The following SLC16A10 variants were observed in gnomAD, a reference collection of about 807,000 sequenced individuals.
The protein encoded by SLC16A10 is solute carrier family 16 member 10.
Under a neutral mutation model 40.0 loss-of-function variants are expected in SLC16A10, and 27 were observed. The ratio of observed to expected loss-of-function variants is 0.67; its 90% CI spans 0.50 to 0.93. The LOEUF (loss-of-function observed/expected upper bound fraction) is 0.93. Ranked by LOEUF, SLC16A10 falls within the 40% of genes least tolerant of loss-of-function variation. SLC16A10 has a pLI of 0.00. For synonymous variants in SLC16A10, 213 were observed against 249.8 expected (o/e 0.85, Z 1.39); for missense variants, 529 against 658.2 (o/e 0.80, Z 2.15).
chr6:111,106,189 T>C (rs1771281731), intron 1 of SLC16A10, among the ~76,000 whole-genome samples: 1 of 152,166 alleles, frequency 6.6e-6, no homozygotes, highest in Non-Finnish European at 1.5e-5. Context: ...AAAAATAGAA[T>C]TCATGCAATC....
chr6:111,140,664 A>C (rs1771966743), intron 1 of SLC16A10, among the ~76,000 whole-genome samples: 2 of 152,238 alleles, frequency 1.3e-5, no homozygotes, highest in Non-Finnish European at 2.9e-5. Flanking sequence ...ATTAAATTAA[A>C]AAACCATTAA....
Position 111,147,101 on chromosome 6 carries a change from GAA to G in SLC16A10, c.344-25591_344-25590del, listed in dbSNP as rs1342211507. On this transcript the variant is annotated intron_variant, in intron 1 of 5. Transcript: ENST00000368851. ...GGTACAGGGTTTCTTTTTGGGGTGA[GAA>G]AAGTGTTCTGGAATTACATAATGAT... is the stretch of plus-strand genomic sequence containing the variant. Among the ~76,000 whole-genome samples, 26 of 152,276 alleles carry G rather than the reference GAA, an allele frequency of 1.7e-4. No individual in the cohort carries two copies. In the East Asian group the frequency reaches 4.4e-3, roughly 26 times the overall value.
intron 1 of SLC16A10, among the ~76,000 whole-genome samples, chr6:111,092,322 T>G (rs1416769875): frequency 4.4e-5 from 6 of 134,976 alleles, no homozygotes; most frequent in Non-Finnish European, 6.6e-5. Flanking sequence ...GTTGTTTTTT[T>G]TTTTTTTTTT....
At chr6:111,106,841 TA>T (rs1260139216) in intron 1 of SLC16A10, among the ~76,000 whole-genome samples, 2 of 152,214 alleles carry the variant, frequency 1.3e-5, no homozygotes, top group Non-Finnish European at 2.9e-5. Context: ...TGTCTTGTGG[TA>T]GATTTTCAGA....
chr6:111,115,431 A>G (rs990450853), intron 1 of SLC16A10, among the ~76,000 whole-genome samples: 3 of 151,720 alleles, frequency 2.0e-5, no homozygotes, highest in African/African-American at 7.3e-5. Flanking sequence ...CTGGTCTTGA[A>G]CTCCTGACCT....
At chr6:111,109,916 T>C (rs545214646) in intron 1 of SLC16A10, among the ~76,000 whole-genome samples, 1 of 152,316 alleles carries the variant, frequency 6.6e-6, no homozygotes, top group Admixed American at 6.5e-5. Context: ...TTTTGTTCTG[T>C]ATTATTTGTA....
At chr6:111,127,039 A>G (rs1038171958) in intron 1 of SLC16A10, among the ~76,000 whole-genome samples, 12 of 152,230 alleles carry the variant, frequency 7.9e-5, no homozygotes, top group Non-Finnish European at 1.8e-4. Flanking sequence ...AAATATTGGT[A>G]GTATTATTTT....
At chr6:111,192,053 GC>G (rs1279537594) in intron 3 of SLC16A10, among the ~76,000 whole-genome samples, 4 of 152,116 alleles carry the variant, frequency 2.6e-5, no homozygotes, top group African/African-American at 9.7e-5. Flanking sequence ...GGCTTTTGTT[GC>G]CATTGCTTTT....
At chr6:111,204,320 T>C (rs1399423968) in intron 3 of SLC16A10, among the ~76,000 whole-genome samples, 1 of 152,094 alleles carries the variant, frequency 6.6e-6, no homozygotes, top group African/African-American at 2.4e-5. Flanking sequence ...CTAACAGTAG[T>C]GTATTAACTG....
chr6:111,099,517 G>T (rs191038973), intron 1 of SLC16A10, among the ~76,000 whole-genome samples: 1 of 151,864 alleles, frequency 6.6e-6, no homozygotes, highest in Non-Finnish European at 1.5e-5. Flanking sequence ...GTCTCACCAC[G>T]TTGCCCAGGT....
At chr6:111,134,925 G>C (rs1771850853) in intron 1 of SLC16A10, among the ~76,000 whole-genome samples, 1 of 152,158 alleles carries the variant, frequency 6.6e-6, no homozygotes, top group African/African-American at 2.4e-5. Context: ...ACTGTCTCCT[G>C]GACACTGGTG....
chr6:111,138,001 CG>C (rs1353423890), intron 1 of SLC16A10, among the ~76,000 whole-genome samples: 1 of 152,240 alleles, frequency 6.6e-6, no homozygotes, highest in Non-Finnish European at 1.5e-5. Context: ...TAGCCGGCAA[CG>C]GCTACCCTCT....
intron 1 of SLC16A10, among the ~76,000 whole-genome samples, chr6:111,114,884 A>AT (rs1055349702): frequency 3.3e-5 from 5 of 151,788 alleles, no homozygotes; most frequent in African/African-American, 9.7e-5. Flanking sequence ...ATTTTTATTT[A>AT]TTTTTTTTGA....
intron 1 of SLC16A10, among the ~76,000 whole-genome samples, chr6:111,130,367 G>T (rs1031242708): frequency 6.6e-6 from 1 of 152,196 alleles, no homozygotes; most frequent in Non-Finnish European, 1.5e-5. Flanking sequence ...AGCTGAGATG[G>T]TCTTCAGTGA....
At chr6:111,210,489 G>T (rs1165547778) in intron 4 of SLC16A10, among the ~76,000 whole-genome samples, 1 of 152,204 alleles carries the variant, frequency 6.6e-6, no homozygotes, top group African/African-American at 2.4e-5. Flanking sequence ...TTGCACTACA[G>T]ACTTTCAGCT....
At chr6:111,152,402 T>G (rs1186221116) in intron 1 of SLC16A10, among the ~76,000 whole-genome samples, 1 of 152,268 alleles carries the variant, frequency 6.6e-6, no homozygotes, top group Non-Finnish European at 1.5e-5. Context: ...AAGTATTTGT[T>G]GAATGAATGA....
intron 3 of SLC16A10, among the ~76,000 whole-genome samples, chr6:111,180,281 C>T (rs9647629): frequency 0.1 from 15,462 of 152,262 alleles, 1,040 homozygotes; most frequent in Middle Eastern, 0.17. Flanking sequence ...CAGTGGCTCA[C>T]GCCTATAATC....
At chr6:111,154,526 T>A (rs919989710) in intron 1 of SLC16A10, among the ~76,000 whole-genome samples, 1 of 152,200 alleles carries the variant, frequency 6.6e-6, no homozygotes, top group Non-Finnish European at 1.5e-5. Flanking sequence ...TAAGACACAA[T>A]TTACTTGTTA....
At chr6:111,212,383 T>A (rs543530293) in intron 4 of SLC16A10, among the ~76,000 whole-genome samples, 69 of 152,204 alleles carry the variant, frequency 4.5e-4, no homozygotes, top group Admixed American at 1.4e-3. Context: ...TGAATTAGAG[T>A]CTTTGCTTAT....
Sources: allele counts gnomAD v4.1 joint callset (sites outside exome capture counted in the v4.1 genomes callset), GRCh38; gene constraint gnomAD v4.1.1; transcripts MANE v1.5; gene names NCBI Gene and HGNC (gene_info 2026-07-23, HGNC 2026-07-21).